Variants in SCFD2 observed in about 807,000 individuals in gnomAD.
SCFD2 encodes the protein sec1 family domain containing 2, also known as sec1 family domain-containing protein 2.
SCFD2 carries 54 observed loss-of-function variants against 58.9 expected under a neutral mutation model. The observed-to-expected ratio is 0.92, with a 90% confidence interval of 0.74 to 1.15. The LOEUF is 1.15. Among genes scored for constraint, SCFD2 ranks in the 50% most tolerant of loss-of-function variants. The probability of loss-of-function intolerance (pLI) is 0.00; values close to 1 mark genes in which losing one functional copy is unlikely to be tolerated. For missense variants in SCFD2, 805 were observed against 836.6 expected, an observed-to-expected ratio of 0.96 and a Z score of 0.47; for synonymous variants, 321 against 335.9, an observed-to-expected ratio of 0.96 and a Z score of 0.49.
At chr4:52,975,719 C>T (rs1228895282) in intron 5 of SCFD2, among the ~76,000 whole-genome samples, 1 of 152,146 alleles carries the variant, frequency 6.6e-6, no homozygotes, top group African/African-American at 2.4e-5. Flanking sequence ...AAGACACATG[C>T]ACACGAATAT....
intron 5 of SCFD2, among the ~76,000 whole-genome samples, chr4:53,040,751 C>T (rs556274127): frequency 2.6e-5 from 4 of 152,288 alleles, no homozygotes; most frequent in East Asian, 1.9e-4. Flanking sequence ...CATTATAGAA[C>T]TTCCAGCATT....
chr4:53,207,494 C>CAT (rs1292014826), intron 4 of SCFD2, among the ~76,000 whole-genome samples: 1 of 17,824 alleles, frequency 5.6e-5, no homozygotes, highest in African/African-American at 2.8e-4. Flanking sequence ...ATATATATTT[C>CAT]ATATATATAT....
intron 4 of SCFD2, among the ~76,000 whole-genome samples, chr4:53,198,456 AAAG>A (rs1020237762): frequency 6.6e-6 from 1 of 152,060 alleles, no homozygotes; most frequent in Non-Finnish European, 1.5e-5. Context: ...AAATGTAAAA[AAAG>A]AGATCCTAAG....
At chr4:53,306,976 TC>T (rs1159552771) in intron 3 of SCFD2, among the ~76,000 whole-genome samples, 2 of 152,228 alleles carry the variant, frequency 1.3e-5, no homozygotes, top group Non-Finnish European at 2.9e-5. Flanking sequence ...GCCAACTGCA[TC>T]CTGGCAGGAA....
chr4:53,293,134 T>A (rs1419325647), intron 3 of SCFD2, among the ~76,000 whole-genome samples: 1 of 152,040 alleles, frequency 6.6e-6, no homozygotes, highest in Non-Finnish European at 1.5e-5. Context: ...TAAAAAGGAA[T>A]GAGATCATGT....
intron 5 of SCFD2, among the ~76,000 whole-genome samples, chr4:53,059,683 T>C (rs1723449758): frequency 6.6e-6 from 1 of 152,078 alleles, no homozygotes; most frequent in South Asian, 2.1e-4. Context: ...TAGCCAACTT[T>C]CAAATACTTT....
At chr4:53,000,746 G>C (rs1188151425) in intron 5 of SCFD2, among the ~76,000 whole-genome samples, 3 of 152,226 alleles carry the variant, frequency 2.0e-5, no homozygotes, top group Middle Eastern at 3.2e-3. Flanking sequence ...TCCCTCATGG[G>C]AAGGGCACTT....
rs144383458 is a variant in SCFD2, at chr4:53,069,075, C to T, written c.1561+76258G>A. Among the ~76,000 whole-genome samples the T allele has an allele frequency of 3.9e-5, 6 of 152,146 alleles. No individual in the cohort carries two copies. In the East Asian group the frequency reaches 1.2e-3, roughly 29 times the overall value. On this transcript the variant is annotated intron_variant, in intron 5 of 8. Transcript: ENST00000401642. ...CCTCATAGAAGGCTTTGGCAGGATT[C>T]TCAGTATGCACAGAGAGGCATAGAA...
chr4:52,954,928 C>T (rs566312740), intron 5 of SCFD2, among the ~76,000 whole-genome samples: 11 of 152,272 alleles, frequency 7.2e-5, no homozygotes, highest in Middle Eastern at 3.4e-3. Context: ...TCATCTGTTG[C>T]TTTTCCTCCC....
intron 5 of SCFD2, among the ~76,000 whole-genome samples, chr4:52,989,034 C>A (rs1721561670): frequency 6.6e-6 from 1 of 152,156 alleles, no homozygotes; most frequent in Non-Finnish European, 1.5e-5. Flanking sequence ...GCAGTATCTC[C>A]ATTTTATAGA....
chr4:53,078,017 G>A (rs1724032570), intron 5 of SCFD2, among the ~76,000 whole-genome samples: 1 of 152,156 alleles, frequency 6.6e-6, no homozygotes, highest in Non-Finnish European at 1.5e-5. Context: ...GTAAGATCAA[G>A]ACCACTGGAA....
At chr4:53,277,832 C>T (rs1466186326) in intron 3 of SCFD2, among the ~76,000 whole-genome samples, 1 of 151,844 alleles carries the variant, frequency 6.6e-6, no homozygotes, top group Non-Finnish European at 1.5e-5. Flanking sequence ...GCGGGCAGAT[C>T]ACGAGGTCAG....
At chr4:52,910,911 C>CA (rs1719469289) in intron 6 of SCFD2, among the ~76,000 whole-genome samples, 1 of 152,150 alleles carries the variant, frequency 6.6e-6, no homozygotes, top group Non-Finnish European at 1.5e-5. Context: ...CCCCTTCTGC[C>CA]ATGATTGTAA....
At chr4:53,173,435 C>A (rs561150113) in intron 4 of SCFD2, among the ~76,000 whole-genome samples, 1 of 152,122 alleles carries the variant, frequency 6.6e-6, no homozygotes, top group South Asian at 2.1e-4. Context: ...TGTGGAATAT[C>A]TTTTTCCATC....
chr4:53,042,565 CAAAT>C (rs1722926414), intron 5 of SCFD2, among the ~76,000 whole-genome samples: 1 of 152,058 alleles, frequency 6.6e-6, no homozygotes, highest in African/African-American at 2.4e-5. Flanking sequence ...TTACAATACA[CAAAT>C]AAATAAAATA....
intron 4 of SCFD2, among the ~76,000 whole-genome samples, chr4:53,218,768 T>G (rs1302970179): frequency 6.6e-6 from 1 of 152,198 alleles, no homozygotes; most frequent in Non-Finnish European, 1.5e-5. Context: ...CCCATCTTTG[T>G]GGTTTTATCT....
At chr4:53,016,075 C>T (rs554931780) in intron 5 of SCFD2, among the ~76,000 whole-genome samples, 13 of 152,302 alleles carry the variant, frequency 8.5e-5, no homozygotes, top group African/African-American at 2.2e-4. Context: ...TTTTCCTACA[C>T]GGTCACCTGG....
At chr4:53,330,122 C>G (rs1249648987) in intron 2 of SCFD2, among the ~76,000 whole-genome samples, 15 of 152,224 alleles carry the variant, frequency 9.9e-5, no homozygotes, top group East Asian at 3.9e-4. Flanking sequence ...CGTCTGATTG[C>G]TGTACCTGAA....
At chr4:53,119,221 G>A (rs1360298686) in intron 5 of SCFD2, among the ~76,000 whole-genome samples, 10 of 152,132 alleles carry the variant, frequency 6.6e-5, no homozygotes, top group African/African-American at 1.9e-4. Flanking sequence ...AGGAGGCTGA[G>A]GCAGGAGAAT....
Sources: gnomAD v4.1 joint callset for allele counts (sites outside exome capture counted in the v4.1 genomes callset) on GRCh38, gnomAD v4.1.1 for gene constraint, MANE v1.5 for transcripts, NCBI Gene and HGNC (gene_info 2026-07-23, HGNC 2026-07-21) for gene names.